TCHH: variants seen among roughly 807,000 people sequenced by gnomAD.
TCHH encodes trichohyalin.
TCHH carries 6 observed loss-of-function variants against 6.3 expected under a neutral mutation model. The observed-to-expected ratio is 0.95, with a 90% CI of 0.52 to 1.88. The LOEUF is 1.88. TCHH is among the 40% of genes most tolerant of loss of function. TCHH has a pLI of 0.01. For missense variants in TCHH, 2,920 were observed against 2,449.1 expected (o/e 1.19, Z -4.06); for synonymous variants, 1,087 against 963.6 (o/e 1.13, Z -2.37).
rs752314876 is a variant in TCHH, at chr1:152,110,487, C to T, written c.2730G>A (p.Glu910=). 4.1e-4 allele frequency: 666 copies of T among 1,614,104 alleles called. No individual in the cohort carries two copies. Among genetic ancestry groups the T allele is most frequent in the Non-Finnish European group, 5.3e-4 (627 of 1,180,046 alleles). Residue 910 remains glutamate, a synonymous_variant, in exon 3 of 3, where the codon GAG becomes GAA. Coordinates refer to ENST00000614923, the MANE Select transcript of TCHH (RefSeq NM_007113.4). ...RKEQQLLQEE[E]EELQREEREK... Reference sequence around the variant, plus strand: ...CGCGCTCCTCTCTCTGTAGCTCCTCCTCCTCCTCCTGCAGCAGCTGCTGTT... The same window carrying T: ...CGCGCTCCTCTCTCTGTAGCTCCTCTTCCTCCTCCTGCAGCAGCTGCTGTT...
At chr1:152,114,630 G>A (rs1351194697) in intron 1 of TCHH, among the ~76,000 whole-genome samples, 1 of 152,108 alleles carries the variant, frequency 6.6e-6, no homozygotes, top group Non-Finnish European at 1.5e-5. Context: ...AGTCCATAAA[G>A]GATTTAGGAA....
rs3001976 is a variant in TCHH, at chr1:152,111,285, C to T, written c.1932G>A (p.Gln644=). 1 of 1,604,520 alleles carries T rather than the reference C, an allele frequency of 6.2e-7. No homozygotes were observed. Among genetic ancestry groups the T allele is most frequent in the East Asian group, 2.3e-5 (1 of 44,382 alleles). The part of the protein sequence containing the change: ...LKSEEQEERR[Q]QQLRREQQER... ...CCTGCTGCTCGCGCCTTAGTTGCTG[C>T]TGGCGCCTCTCCTCCTGCTCCTCGC... The change falls in exon 3 of 3, where the codon CAG becomes CAA. Residue 644 remains glutamine (Q), a synonymous_variant. Transcript: ENST00000614923.
chr1:152,113,761 C>G (rs751009357), intron 2 of TCHH, among the ~76,000 whole-genome samples, 182 bp downstream of exon 2: 4 of 152,182 alleles, frequency 2.6e-5, no homozygotes, highest in Non-Finnish European at 5.9e-5. Context: ...ACATGAAATA[C>G]TTTATTATTC....
chr1:152,107,761 C>A lies in TCHH; in HGVS notation c.5456G>T (p.Gly1819Val). 2 of 1,614,222 alleles carry A rather than the reference C, an allele frequency of 1.2e-6. No individual in the cohort carries two copies. Among genetic ancestry groups the A allele is most frequent in the South Asian group, 2.2e-5 (2 of 91,088 alleles). Residue 1819 changes from glycine (G) to valine (V), a missense_variant, in exon 3 of 3, where the codon GGA (glycine) becomes GTA (valine). Gly to Val is a moderately radical substitution (Grantham distance 109). Transcript: ENST00000614923. ...EQQLRPQQRDGKYRWEEEQLQ... is the reference protein window; with the variant it reads ...EQQLRPQQRDVKYRWEEEQLQ... ...CTGCTCTTCTTCCCAGCGATACTTT[C>A]CGTCACGCTGTTGGGGGCGCAGCTG...
In TCHH at chr1:152,107,535, C is replaced by A; in HGVS notation, c.5682G>T (p.Arg1894Ser). The change falls in exon 3 of 3, where the codon AGG (arginine) becomes AGT (serine). Residue 1894 changes from arginine (R) to serine (S), a missense_variant. By Grantham distance (110) the Arg-to-Ser change is moderately radical. Transcript: ENST00000614923. ...ATTTTATCTCCCCGACTTGGCGGTG[C>A]CTCTGTTCCTCCTTCTGCTGGCGGC... ...HIRRQQKEEQ[R>S]HRQVGEIKSQ... 6.2e-7 allele frequency: 1 copy of A among 1,614,224 alleles called. No homozygotes were observed. Among genetic ancestry groups the A allele is most frequent in the South Asian group, 1.1e-5 (1 of 91,084 alleles).
chr1:152,111,711 CCT>C lies in TCHH; in HGVS notation c.1504_1505del (p.Arg502AlafsTer175), dbSNP rs768624065. On this transcript the variant is annotated frameshift_variant, in exon 3 of 3. Transcript: ENST00000614923. LOFTEE classifies it low-confidence loss of function (END_TRUNC). ...EEEERREQQE[R>X]REQQLRREQE... ...GCTCCCGCCTTAGTTGCTGCTCGCG[CCT>C]CTCCTGCTGCTCGCGCCTCTCCTCC... 1.2e-5 allele frequency: 19 copies of C among 1,572,990 alleles called. No homozygotes were observed. The highest frequency in any genetic ancestry group is 1.5e-5 in the Non-Finnish European group (17 of 1,149,686).
Position 152,109,569 on chromosome 1 carries a change from A to G in TCHH, c.3648T>C (p.Asp1216=), listed in dbSNP as rs779614664. 6 of 1,614,110 alleles carry G rather than the reference A, an allele frequency of 3.7e-6. No homozygotes were observed. The highest frequency in any genetic ancestry group is 3.4e-6 in the Non-Finnish European group (4 of 1,180,028). The change falls in exon 3 of 3, where the codon GAT becomes GAC. Residue 1216 remains aspartate, a synonymous_variant. Transcript: ENST00000614923. ...ATTTCAGATCACTGCGCTGATCCTC[A>G]TCCCGGTATCGCTGCTTCCTTTTCT... ...QRQKRKQRYR[D]EDQRSDLKWQ... is the part of the protein sequence containing the mutation.
In TCHH at chr1:152,108,799, C is replaced by G. The variant is rs71625150; in HGVS notation, c.4418G>C (p.Arg1473Thr). The G allele has an allele frequency of 1.2e-6, 2 of 1,608,260 alleles. No individual in the cohort carries two copies. The highest frequency in any genetic ancestry group is 1.1e-5 in the South Asian group (1 of 90,806). ...FREEEQLLQE[R>T]EEQQLHRQER... Reference sequence around the variant, plus strand: ...TTGGCGGTGCAGCTGCTGTTCTTCCCTTTCCTGGAGCAGCTGTTCCTCTTC... The same window carrying G: ...TTGGCGGTGCAGCTGCTGTTCTTCCGTTTCCTGGAGCAGCTGTTCCTCTTC... Residue 1473 changes from arginine to threonine, a missense_variant, in exon 3 of 3, where the codon AGG becomes ACG. Coordinates refer to ENST00000614923, the MANE Select transcript of TCHH (RefSeq NM_007113.4).
At position 152,112,853 on chromosome 1, in the gene TCHH, A is replaced by T; in HGVS notation, c.364T>A (p.Phe122Ile). ...DRRQEEDQRR[F>I]EPRDRQLEEE... is the part of the protein sequence containing the mutation. ...TCCAGTTGTCTGTCCCGGGGCTCGA[A>T]TCTCCTTTGGTCTTCTTCTTGCCTG... The change falls in exon 3 of 3, where the codon TTC (phenylalanine) becomes ATC (isoleucine). Residue 122 changes from phenylalanine (F) to isoleucine (I), a missense_variant. Physicochemically the swap from Phe to Ile is conservative, Grantham distance 21. Transcript: ENST00000614923. The T allele has an allele frequency of 6.2e-7, 1 of 1,613,596 alleles. No homozygotes were observed. Among genetic ancestry groups the T allele is most frequent in the South Asian group, 1.1e-5 (1 of 91,026 alleles).
rs745712280 is a variant in TCHH at position 152,109,931 on chromosome 1, C to G, written c.3286G>C (p.Glu1096Gln). 6.3e-7 allele frequency: 1 copy of G among 1,592,572 alleles called. No homozygotes were observed. ...LQQEEEQLLR[E>Q]EPEKRRRQER... ...TGGCGCCTTCTCTTCTCCGGTTCCT[C>G]TCTCAGCAGCTGCTCTTCCTCCTGC... Residue 1096 changes from glutamate to glutamine, a missense_variant, in exon 3 of 3, where the codon GAG becomes CAG. By Grantham distance (29) the Glu-to-Gln change is conservative. Coordinates refer to ENST00000614923, the MANE Select transcript of TCHH (RefSeq NM_007113.4).
rs1369157768 is a variant in TCHH, at chr1:152,113,995, G to A, written c.86C>T (p.Thr29Ile). 1 of 1,613,758 alleles carries A rather than the reference G, an allele frequency of 6.2e-7. No homozygotes were observed. Among genetic ancestry groups the A allele is most frequent in the African/African-American group, 1.3e-5 (1 of 74,894 alleles). The change falls in exon 2 of 3, where the codon ACT (threonine) becomes ATT (isoleucine). Residue 29 changes from threonine (T) to isoleucine (I), a missense_variant. Thr to Ile is a moderately conservative substitution (Grantham distance 89). Coordinates refer to ENST00000614923, the MANE Select transcript of TCHH (RefSeq NM_007113.4). Reference protein sequence around the residue: ...VSHDCDGAALTKKDLKNLLER... With the variant: ...VSHDCDGAALIKKDLKNLLER... ...AAGGAGGTTCTTCAGGTCTTTCTTA[G>A]TTAATGCTGCTCCATCACAATCATG...
At position 152,109,361 on chromosome 1, in the gene TCHH, A is replaced by T; in HGVS notation, c.3856T>A (p.Trp1286Arg). 6.2e-7 allele frequency: 1 copy of T among 1,614,086 alleles called. No homozygotes were observed. ...ERDREQERRR[W>R]QQRDRHFPEE... ...GGGAAATGCCTGTCGCGCTGCTGCC[A>T]GCGCCTCCTCTCTTGCTCACGATCT... The change falls in exon 3 of 3, where the codon TGG becomes AGG. Residue 1286 changes from tryptophan to arginine, a missense_variant. Transcript: ENST00000614923.
rs1472867299 is a variant in TCHH at position 152,112,357 on chromosome 1, C to A, written c.860G>T (p.Arg287Met). Reference sequence around the variant, plus strand: ...CTGCTCTTCCTCCTGGCGCTCCCTCCTCAGCTCTTGCCGCTCCAGCTTCCG... The same window carrying A: ...CTGCTCTTCCTCCTGGCGCTCCCTCATCAGCTCTTGCCGCTCCAGCTTCCG... ...QLRKLERQEL[R>M]RERQEEEQQQ... The change falls in exon 3 of 3, where the codon AGG (arginine) becomes ATG (methionine). Residue 287 changes from arginine (R) to methionine (M), a missense_variant. Transcript: ENST00000614923. 6.2e-6 allele frequency: 10 copies of A among 1,613,362 alleles called. No homozygotes were observed. Among genetic ancestry groups the A allele is most frequent in the Non-Finnish European group, 6.8e-6 (8 of 1,179,984 alleles).
At position 152,108,192 on chromosome 1, in the gene TCHH, C is replaced by CA; in HGVS notation, c.5024dup (p.Leu1676AlafsTer15). On this transcript the variant is annotated frameshift_variant, in exon 3 of 3. Coordinates refer to ENST00000614923, the MANE Select transcript of TCHH (RefSeq NM_007113.4). LOFTEE classifies it low-confidence loss of function (END_TRUNC). ...GCTGCTGTTCCTCCCCTTCCTGGAG[C>CA]AGCTGTTCCTCTTCACGGAATTTTC... The CA allele has an allele frequency of 2.5e-6, 4 of 1,611,038 alleles. No homozygotes were observed. Among genetic ancestry groups the CA allele is most frequent in the Non-Finnish European group, 3.4e-6 (4 of 1,179,192 alleles).
chr1:152,112,151 C>T lies in TCHH; in HGVS notation c.1066G>A (p.Glu356Lys), dbSNP rs775241642. The T allele has an allele frequency of 1.4e-6, 2 of 1,381,694 alleles. No individual in the cohort carries two copies. 85.6% of individuals were successfully genotyped at this position (1,381,694 alleles called of 1,614,324 possible). The change falls in exon 3 of 3, where the codon GAG becomes AAG. Residue 356 changes from glutamate (E) to lysine (K), a missense_variant. Transcript: ENST00000614923. Reference protein sequence around the residue: ...RREQQLRREQEEERREQQLRR... With the variant: ...RREQQLRREQKEERREQQLRR... ...AGCTGCTGCTCGCGCCTCTCCTCCT[C>T]CTGCTCGCGCCTCAGCTGCTGCTCG...
Position 152,108,329 on chromosome 1 carries a change from C to T in TCHH, c.4888G>A (p.Glu1630Lys). 1 of 1,603,918 alleles carries T rather than the reference C, an allele frequency of 6.2e-7. No individual in the cohort carries two copies. The highest frequency in any genetic ancestry group is 8.5e-7 in the Non-Finnish European group (1 of 1,176,100). ...KFREDEQLLQ[E>K]REEQQLHRQE... ...CGGTGCAGCTGCTGTTCTTCCCTTT[C>T]CTGGAGCAGCTGTTCGTCTTCGCGG... is the stretch of plus-strand genomic sequence containing the variant. Residue 1630 changes from glutamate (E) to lysine (K), a missense_variant, in exon 3 of 3, where the codon GAA becomes AAA. Physicochemically the swap from Glu to Lys is moderately conservative, Grantham distance 56 (BLOSUM62 1). Coordinates refer to ENST00000614923, the MANE Select transcript of TCHH (RefSeq NM_007113.4).
chr1:152,107,152 A>G lies in TCHH; in HGVS notation c.*233T>C. 1 of 422,176 alleles carries G rather than the reference A, an allele frequency of 2.4e-6. No homozygotes were observed. Among genetic ancestry groups the G allele is most frequent in the Non-Finnish European group, 4.2e-6 (1 of 240,378 alleles). The allele number at this position is 422,176 out of a possible 1,614,324, so 26.2% of individuals were successfully genotyped here. On this transcript the variant is annotated 3_prime_UTR_variant, in exon 3 of 3. Coordinates refer to ENST00000614923, the MANE Select transcript of TCHH (RefSeq NM_007113.4). ...TTTTTTAAATGCACACCACATCTGC[A>G]TCAAAGAGCAAAAGAAAGACATCTT...
chr1:152,112,765 C>T lies in TCHH; in HGVS notation c.452G>A (p.Gly151Glu). ...RQEQERELAE[G>E]EEQSEKQERL... is the part of the protein sequence containing the mutation. The stretch of plus-strand genomic sequence containing the variant: ...CTCTTGTTTCTCACTTTGCTCCTCT[C>T]CCTCAGCTAGCTCCCTCTCCTGTTC... The change falls in exon 3 of 3, where the codon GGA becomes GAA. Residue 151 changes from glycine to glutamate, a missense_variant. Transcript: ENST00000614923. 3 of 1,614,080 alleles carry T rather than the reference C, an allele frequency of 1.9e-6. No homozygotes were observed. The highest frequency in any genetic ancestry group is 1.7e-6 in the Non-Finnish European group (2 of 1,180,022).
chr1:152,107,659 G>C lies in TCHH; in HGVS notation c.5558C>G (p.Thr1853Arg). 1 of 1,613,684 alleles carries C rather than the reference G, an allele frequency of 6.2e-7. No homozygotes were observed. Among genetic ancestry groups the C allele is most frequent in the African/African-American group, 1.3e-5 (1 of 74,712 alleles). ...TTCCTCACGACGACTCTTCTCCTGC[G>C]TGGCAAACTGCTCCTCCGCCCGGTA... ...RQYRAEEQFA[T>R]QEKSRREEQE... Residue 1853 changes from threonine (T) to arginine (R), a missense_variant, in exon 3 of 3, where the codon ACG becomes AGG. Physicochemically the swap from Thr to Arg is moderately conservative, Grantham distance 71. Transcript: ENST00000614923.
Sources: allele counts gnomAD v4.1 joint callset (sites outside exome capture counted in the v4.1 genomes callset), GRCh38; gene constraint gnomAD v4.1.1; transcripts MANE v1.5; gene names NCBI Gene and HGNC (gene_info 2026-07-23, HGNC 2026-07-21).